TRABD2B: variants seen among roughly 807,000 people sequenced by gnomAD.
The protein encoded by TRABD2B is metalloprotease TIKI2.
In TRABD2B, 14 loss-of-function variants were observed where a neutral mutation model predicts 40.1. That is an observed-to-expected ratio of 0.35 (90% confidence interval 0.23 to 0.55). The LOEUF (loss-of-function observed/expected upper bound fraction) is 0.55, where lower values mean the gene tolerates loss of function less well. Ranked by LOEUF, TRABD2B falls within the 20% of genes least tolerant of loss-of-function variation. The probability of loss-of-function intolerance (pLI) is 0.90; values close to 1 mark genes in which losing one functional copy is unlikely to be tolerated. For synonymous variants in TRABD2B, 263 were observed against 277.0 expected (o/e 0.95, Z 0.50); for missense variants, 541 against 648.6 (o/e 0.83, Z 1.80).
At chr1:47,976,848 A>G (rs1645762784) in intron 2 of TRABD2B, among the ~76,000 whole-genome samples, 1 of 152,168 alleles carries the variant, frequency 6.6e-6, no homozygotes, top group African/African-American at 2.4e-5. Flanking sequence ...TAAACTTTTA[A>G]GAGAATTGTA....
chr1:47,931,787 C>T lies in TRABD2B; in HGVS notation c.666+62247G>A, dbSNP rs1314774613. Among the ~76,000 whole-genome samples the T allele has an allele frequency of 3.3e-5, 5 of 152,130 alleles. No individual in the cohort carries two copies. The East Asian group carries it at 9.7e-4, about 29-fold the overall frequency. On this transcript the variant is annotated intron_variant, in intron 2 of 6. Coordinates refer to ENST00000606738, the MANE Select transcript of TRABD2B (RefSeq NM_001194986.2). ...CTGCTCCCTGTCCAAGTCCTGATCC[C>T]ATGGATCAAGAGCACAATAAAAGTA... is the stretch of plus-strand genomic sequence containing the variant.
chr1:47,914,886 T>C (rs773191557), intron 2 of TRABD2B, among the ~76,000 whole-genome samples: 1 of 152,212 alleles, frequency 6.6e-6, no homozygotes, highest in Non-Finnish European at 1.5e-5. Flanking sequence ...GGGGCAAGGA[T>C]GAACCAGATA....
chr1:47,869,491 T>A (rs906681593), intron 2 of TRABD2B, among the ~76,000 whole-genome samples: 2 of 152,216 alleles, frequency 1.3e-5, no homozygotes, highest in Admixed American at 1.3e-4. Flanking sequence ...TGTGATGGCA[T>A]GTGTCCTCTC....
At chr1:47,955,251 T>C (rs1645401585) in intron 2 of TRABD2B, among the ~76,000 whole-genome samples, 1 of 152,202 alleles carries the variant, frequency 6.6e-6, no homozygotes, top group Non-Finnish European at 1.5e-5. Context: ...TAGTTACAAC[T>C]ACTACGTTAA....
chr1:47,885,974 G>T (rs953465052), intron 2 of TRABD2B, among the ~76,000 whole-genome samples: 1 of 152,188 alleles, frequency 6.6e-6, no homozygotes, highest in African/African-American at 2.4e-5. Context: ...GGTCTGGAAT[G>T]CCTTCAACCT....
intron 2 of TRABD2B, among the ~76,000 whole-genome samples, chr1:47,854,787 G>A (rs770420027): frequency 9.2e-5 from 14 of 152,196 alleles, no homozygotes; most frequent in Non-Finnish European, 1.8e-4. Context: ...TTTGCATTTT[G>A]TTTGGTGTTT....
intron 2 of TRABD2B, among the ~76,000 whole-genome samples, chr1:47,862,913 C>T (rs929548382): frequency 3.0e-4 from 46 of 152,050 alleles, no homozygotes; most frequent in Admixed American, 5.9e-4. Flanking sequence ...GAAAAGGGTG[C>T]CCAGAAATAG....
intron 2 of TRABD2B, among the ~76,000 whole-genome samples, chr1:47,903,617 T>C (rs35326026): frequency 1.6e-4 from 24 of 151,900 alleles, no homozygotes; most frequent in African/African-American, 5.1e-4. Flanking sequence ...GAGAAAATAG[T>C]TGGAAGGGAA....
chr1:47,910,335 C>T (rs1044846959), intron 2 of TRABD2B, among the ~76,000 whole-genome samples: 1 of 152,218 alleles, frequency 6.6e-6, no homozygotes, highest in African/African-American at 2.4e-5. Flanking sequence ...ACAGACTTCC[C>T]TAAAACCTGA....
intron 2 of TRABD2B, among the ~76,000 whole-genome samples, chr1:47,898,089 T>C (rs1432566110): frequency 1.3e-5 from 2 of 152,124 alleles, no homozygotes; most frequent in East Asian, 1.9e-4. Flanking sequence ...TTTTGTTAGA[T>C]GAATGAATGA....
At chr1:47,853,759 C>T (rs553078718) in intron 2 of TRABD2B, among the ~76,000 whole-genome samples, 7 of 152,294 alleles carry the variant, frequency 4.6e-5, no homozygotes, top group African/African-American at 1.7e-4. Flanking sequence ...CTGTCACTGG[C>T]CCTACACAAG....
chr1:47,892,590 A>C (rs1313187549), intron 2 of TRABD2B, among the ~76,000 whole-genome samples: 1 of 152,186 alleles, frequency 6.6e-6, no homozygotes, highest in Non-Finnish European at 1.5e-5. Flanking sequence ...GACCCTCCAG[A>C]GTTTAGAGGT....
In TRABD2B at chr1:47,813,535, G is replaced by T. The variant is rs1206111649; in HGVS notation, c.667-11916C>A. ...AGGACCTGCTACATGCAGGCTGTGT[G>T]AAGTTCTTATTCTGGCTCTTTGGGG... On this transcript the variant is annotated intron_variant, in intron 2 of 6. Coordinates refer to ENST00000606738, the MANE Select transcript of TRABD2B (RefSeq NM_001194986.2). This position sits in a 1 kb window ranked among gnomAD's most constrained non-coding sequence, Gnocchi z 4.3. Among the ~76,000 whole-genome samples the T allele has an allele frequency of 6.6e-6, 1 of 152,216 alleles. No individual in the cohort carries two copies. The highest frequency in any genetic ancestry group is 1.9e-4 in the East Asian group (1 of 5,198).
chr1:47,902,088 C>T (rs979424958), intron 2 of TRABD2B, among the ~76,000 whole-genome samples: 8 of 152,182 alleles, frequency 5.3e-5, no homozygotes, highest in African/African-American at 1.9e-4. Context: ...TGTTCATGAA[C>T]GGCCAAATAT....
chr1:47,950,076 G>C (rs1570350786), intron 2 of TRABD2B, among the ~76,000 whole-genome samples: 1 of 152,110 alleles, frequency 6.6e-6, no homozygotes, highest in Non-Finnish European at 1.5e-5. Flanking sequence ...ACGAGGTCAG[G>C]AGATCGAGAC....
intron 2 of TRABD2B, among the ~76,000 whole-genome samples, chr1:47,860,798 C>T (rs1348739220): frequency 6.6e-6 from 1 of 152,082 alleles, no homozygotes; most frequent in African/African-American, 2.4e-5. Flanking sequence ...TGCAAGGTTC[C>T]TCCTCCCATT....
At chr1:47,851,394 A>T (rs1168078116) in intron 2 of TRABD2B, among the ~76,000 whole-genome samples, 1 of 152,156 alleles carries the variant, frequency 6.6e-6, no homozygotes, top group East Asian at 1.9e-4. Context: ...ATGTCCCCCA[A>T]CCTAAGGAGA....
chr1:47,904,436 A>C (rs1405108634), intron 2 of TRABD2B, among the ~76,000 whole-genome samples: 1 of 152,232 alleles, frequency 6.6e-6, no homozygotes, highest in Non-Finnish European at 1.5e-5. Context: ...TTATAGGAGC[A>C]AATATTCAAC....
At chr1:47,853,708 A>G (rs974621708) in intron 2 of TRABD2B, among the ~76,000 whole-genome samples, 1 of 152,118 alleles carries the variant, frequency 6.6e-6, no homozygotes, top group Non-Finnish European at 1.5e-5. Flanking sequence ...TCCAATATTT[A>G]TTAGATTTTG....
Sources: gnomAD v4.1 joint callset for allele counts (sites outside exome capture counted in the v4.1 genomes callset) on GRCh38, gnomAD v4.1.1 for gene constraint, Gnocchi (gnomAD v3.1) non-coding constraint, MANE v1.5 for transcripts, NCBI Gene and HGNC (gene_info 2026-07-23, HGNC 2026-07-21) for gene names.